HTR1E: variants seen among roughly 807,000 people sequenced by gnomAD.
HTR1E encodes 5-HT-1E.
In HTR1E, 3 loss-of-function variants were observed where a neutral mutation model predicts 3.4. That is an observed-to-expected ratio of 0.89 (90% CI 0.41 to 2.31). The LOEUF (loss-of-function observed/expected upper bound fraction) is 2.31, where lower values mean the gene tolerates loss of function less well. Ranked by LOEUF, HTR1E falls within the 30% of genes most tolerant of loss-of-function variation. The pLI, the probability that HTR1E is intolerant of heterozygous loss-of-function variation, is 0.05. For missense variants in HTR1E, 392 were observed against 467.0 expected (o/e 0.84, Z 1.48); for synonymous variants, 170 against 182.8 (o/e 0.93, Z 0.56).
chr6:86,980,452 A>G (rs983642530), intron 1 of HTR1E, among the ~76,000 whole-genome samples: 1 of 152,094 alleles, frequency 6.6e-6, no homozygotes, highest in African/African-American at 2.4e-5. Context: ...GGACGTGACA[A>G]GGCAAACAGG....
chr6:86,960,307 C>G (rs899773454), intron 1 of HTR1E, among the ~76,000 whole-genome samples: 3 of 152,092 alleles, frequency 2.0e-5, no homozygotes, highest in African/African-American at 7.2e-5. Flanking sequence ...AAAGAGCAAA[C>G]CCACTCCCAT....
intron 1 of HTR1E, among the ~76,000 whole-genome samples, chr6:87,009,486 C>T (rs1768168933): frequency 6.6e-6 from 1 of 151,660 alleles, no homozygotes; most frequent in Non-Finnish European, 1.5e-5. Context: ...CGGCAACCAT[C>T]CGATTTCTCA....
rs1357308584 is a variant in HTR1E, at chr6:86,940,860, C to T, written c.-186+3037C>T. Among the ~76,000 whole-genome samples the T allele has an allele frequency of 4.6e-5, 7 of 152,136 alleles. No individual in the cohort carries two copies. The East Asian group carries it at 7.7e-4, about 17-fold the overall frequency. On this transcript the variant is annotated intron_variant, in intron 1 of 1. Coordinates refer to ENST00000305344, the MANE Select transcript of HTR1E (RefSeq NM_000865.3). ...CCAAATAGGAACTTACTTTTTATGC[C>T]GTAAATTATCAAGGCCATCTCAAGG... is the stretch of plus-strand genomic sequence containing the variant.
chr6:86,993,644 G>T (rs940207212), intron 1 of HTR1E, among the ~76,000 whole-genome samples: 29 of 151,940 alleles, frequency 1.9e-4, no homozygotes, highest in African/African-American at 7.0e-4. Flanking sequence ...CCACTGCATG[G>T]CAGCAATCAT....
At chr6:86,962,221 A>C (rs771942568) in intron 1 of HTR1E, among the ~76,000 whole-genome samples, 2 of 152,256 alleles carry the variant, frequency 1.3e-5, no homozygotes, top group Non-Finnish European at 1.5e-5. Context: ...CCTGGAGCAC[A>C]TAAAGAAGAA....
At chr6:87,005,537 T>C (rs973880644) in intron 1 of HTR1E, among the ~76,000 whole-genome samples, 1 of 152,124 alleles carries the variant, frequency 6.6e-6, no homozygotes, top group Non-Finnish European at 1.5e-5. Context: ...CAGCATTCCA[T>C]ATGCAGAAGA....
chr6:86,985,453 G>T (rs1767771754), intron 1 of HTR1E, among the ~76,000 whole-genome samples: 1 of 151,940 alleles, frequency 6.6e-6, no homozygotes, highest in Non-Finnish European at 1.5e-5. Context: ...AGCCCTTTAA[G>T]GTATCAACTT....
intron 1 of HTR1E, among the ~76,000 whole-genome samples, chr6:87,002,432 T>G (rs1206978265): frequency 1.3e-5 from 2 of 152,236 alleles, no homozygotes; most frequent in Non-Finnish European, 2.9e-5. Context: ...AGGTTGCCAC[T>G]GCTGGCTCGG....
intron 1 of HTR1E, among the ~76,000 whole-genome samples, chr6:86,999,879 G>A (rs1055943205): frequency 2.0e-5 from 3 of 151,944 alleles, no homozygotes; most frequent in African/African-American, 7.3e-5. Context: ...CCCTGGTGAG[G>A]TGCTACTATC....
At chr6:86,980,106 G>A (rs961747759) in intron 1 of HTR1E, among the ~76,000 whole-genome samples, 1 of 152,070 alleles carries the variant, frequency 6.6e-6, no homozygotes, top group Non-Finnish European at 1.5e-5. Flanking sequence ...AAACAGGGTC[G>A]GCCAGGCGCG....
chr6:87,006,796 C>T (rs547649912), intron 1 of HTR1E, among the ~76,000 whole-genome samples: 3 of 152,264 alleles, frequency 2.0e-5, no homozygotes, highest in Non-Finnish European at 4.4e-5. Context: ...AGCTGGAAGC[C>T]ATTATCCTCA....
chr6:87,002,220 T>C (rs1768034114), intron 1 of HTR1E, among the ~76,000 whole-genome samples: 1 of 152,194 alleles, frequency 6.6e-6, no homozygotes, highest in Non-Finnish European at 1.5e-5. Flanking sequence ...CCGGAGTTTG[T>C]TACTTCAGAT....
intron 1 of HTR1E, among the ~76,000 whole-genome samples, chr6:86,988,960 A>T (rs1767835202): frequency 6.6e-6 from 1 of 152,216 alleles, no homozygotes; most frequent in East Asian, 1.9e-4. Flanking sequence ...CCAGGAAATT[A>T]AAGTGAAAGT....
At chr6:86,988,851 A>T (rs1437579510) in intron 1 of HTR1E, among the ~76,000 whole-genome samples, 2 of 152,182 alleles carry the variant, frequency 1.3e-5, no homozygotes, top group African/African-American at 2.4e-5. Flanking sequence ...AAAGAGAAAG[A>T]TGACTAAATA....
At chr6:86,962,694 C>A (rs1265476032) in intron 1 of HTR1E, among the ~76,000 whole-genome samples, 2 of 151,882 alleles carry the variant, frequency 1.3e-5, no homozygotes, top group Non-Finnish European at 2.9e-5. Context: ...AAAAGTTAGC[C>A]GGGTGTAGTG....
At chr6:86,981,919 A>G (rs933908031) in intron 1 of HTR1E, among the ~76,000 whole-genome samples, 2 of 152,174 alleles carry the variant, frequency 1.3e-5, no homozygotes, top group Non-Finnish European at 2.9e-5. Flanking sequence ...ACTATCTCTC[A>G]AACACTTCCA....
rs184553740 is a variant in HTR1E, at chr6:86,941,181, G to A, written c.-186+3358G>A. Among the ~76,000 whole-genome samples, 215 of 152,310 alleles carry A rather than the reference G, an allele frequency of 1.4e-3. 2 individuals carry two copies. Among genetic ancestry groups the A allele is most frequent in the Admixed American group, 4.2e-3 (65 of 15,306 alleles). On this transcript the variant is annotated intron_variant, in intron 1 of 1. Transcript: ENST00000305344. ...TACCAAAGTTCATCTTCCTGGTGAT[G>A]AAAGGACTTTCATCAAAATCCCAGC...
rs1405326502 is a variant in HTR1E at position 87,015,929 on chromosome 6, C to G, written c.595C>G (p.Leu199Val). The G allele has an allele frequency of 1.2e-6, 2 of 1,613,892 alleles. No homozygotes were observed. Among genetic ancestry groups the G allele is most frequent in the Non-Finnish European group, 1.7e-6 (2 of 1,179,800 alleles). ...GTTTTATATCCCCTTGACTTTGATA[C>G]TGATTCTCTATTACCGGATTTACCA... Reference protein sequence around the residue: ...GAFYIPLTLILILYYRIYHAA... With the variant: ...GAFYIPLTLIVILYYRIYHAA... The change falls in exon 2 of 2, where the codon CTG becomes GTG. Residue 199 changes from leucine (L) to valine (V), a missense_variant. Physicochemically the swap from Leu to Val is conservative, Grantham distance 32 (BLOSUM62 1). Around this residue, in one of 3 missense-constraint regions of HTR1E, gnomAD observed 178 missense variants for 164.9 expected, o/e 1.08. Coordinates refer to ENST00000305344, the MANE Select transcript of HTR1E (RefSeq NM_000865.3).
chr6:87,008,894 G>A (rs150372240), intron 1 of HTR1E, among the ~76,000 whole-genome samples: 32 of 152,120 alleles, frequency 2.1e-4, no homozygotes, highest in African/African-American at 7.2e-4. Flanking sequence ...AATCACAATC[G>A]TGTCTCCTCC....
Sources: allele counts gnomAD v4.1 joint callset (sites outside exome capture counted in the v4.1 genomes callset), GRCh38; gene constraint gnomAD v4.1.1; regional missense constraint gnomAD v4.1.1; transcripts MANE v1.5; gene names NCBI Gene and HGNC (gene_info 2026-07-23, HGNC 2026-07-21).